Variants in CCDC127 observed in about 807,000 individuals in gnomAD.
CCDC127 encodes coiled-coil domain-containing protein 127.
CCDC127 carries 2 observed loss-of-function variants against 4.1 expected under a neutral mutation model. The ratio of observed to expected loss-of-function variants is 0.49; its 90% CI spans 0.20 to 1.53. The LOEUF (loss-of-function observed/expected upper bound fraction) is 1.53, where lower values mean the gene tolerates loss of function less well. Ranked by LOEUF, CCDC127 falls within the 40% of genes most tolerant of loss-of-function variation. The probability of loss-of-function intolerance (pLI) is 0.23; values close to 1 mark genes in which losing one functional copy is unlikely to be tolerated. For synonymous variants in CCDC127, 98 were observed against 120.4 expected (o/e 0.81, Z 1.22); for missense variants, 271 against 322.9 (o/e 0.84, Z 1.23).
At position 199,563 on chromosome 5, in the gene CCDC127, T is replaced by G. The variant is rs11741320; in HGVS notation, c.*5734A>C. On this transcript the variant is annotated 3_prime_UTR_variant, in exon 3 of 3. Coordinates refer to ENST00000296824, the MANE Select transcript of CCDC127 (RefSeq NM_145265.3). ...CCTGCCAGTCACCCCCCGCCCCACCTCTGCCAGCCCAGAGCCCCTCAGCCC... is the reference window on the plus strand; with the variant it reads ...CCTGCCAGTCACCCCCCGCCCCACCGCTGCCAGCCCAGAGCCCCTCAGCCC... The G allele has an allele frequency of 0.14, 14,194 of 99,580 alleles. 923 individuals are homozygous for G. The highest frequency in any genetic ancestry group is 0.18 in the Admixed American group (1,601 of 9,040). 6.2% of individuals were successfully genotyped at this position (99,580 alleles called of 1,614,324 possible).
In CCDC127 at chr5:204,376, A is replaced by G. The variant is rs1188511046; in HGVS notation, c.*921T>C. The G allele has an allele frequency of 6.6e-6, 1 of 152,256 alleles. No individual in the cohort carries two copies. The highest frequency in any genetic ancestry group is 1.5e-5 in the Non-Finnish European group (1 of 68,054). The allele number at this position is 152,256 out of a possible 1,614,324, so 9.4% of individuals were successfully genotyped here. A position where few individuals can be genotyped will look rare whatever the true frequency, so the allele number is the denominator to read the frequency against. On this transcript the variant is annotated 3_prime_UTR_variant, in exon 3 of 3. Transcript: ENST00000296824. ...ATTCGACTGAGGATTCCATGAGTGAACAGGTATACAGGCTCAATTCCCAGT... is the reference window on the plus strand; with the variant it reads ...ATTCGACTGAGGATTCCATGAGTGAGCAGGTATACAGGCTCAATTCCCAGT...
At chr5:217,905 T>C (rs1043071745) in intron 1 of CCDC127, among the ~76,000 whole-genome samples, 188 bp downstream of exon 1, 19 of 152,360 alleles carry the variant, frequency 1.2e-4, no homozygotes, top group African/African-American at 4.3e-4. Context: ...TCAAGGGATG[T>C]ATAATAAACA....
rs1303870384 is a variant in CCDC127, at chr5:202,536, G to A, written c.*2761C>T. The A allele has an allele frequency of 1.3e-5, 2 of 152,278 alleles. No individual in the cohort carries two copies. The highest frequency in any genetic ancestry group is 2.9e-5 in the Non-Finnish European group (2 of 68,108). The allele number at this position is 152,278 out of a possible 1,614,324, so 9.4% of individuals were successfully genotyped here. A position where few individuals can be genotyped will look rare whatever the true frequency, so the allele number is the denominator to read the frequency against. On this transcript the variant is annotated 3_prime_UTR_variant, in exon 3 of 3. Transcript: ENST00000296824. ...GGAGGCAGAGCTTGCAGTGAGGCGA[G>A]ATTGTGCCACTGCACTCCCGCCTGG...
Position 200,158 on chromosome 5 carries a change from C to CT in CCDC127, c.*5138dup, listed in dbSNP as rs1734047516. On this transcript the variant is annotated 3_prime_UTR_variant, in exon 3 of 3. Coordinates refer to ENST00000296824, the MANE Select transcript of CCDC127 (RefSeq NM_145265.3). ...CCACATTCAGGCTCATCTGGTCCCG[C>CT]TACCCGACAGCAAGACCCTCAGCCT... The CT allele has an allele frequency of 6.6e-6, 1 of 152,222 alleles. No individual in the cohort carries two copies. The highest frequency in any genetic ancestry group is 1.9e-4 in the East Asian group (1 of 5,196). 9.4% of individuals were successfully genotyped at this position (152,222 alleles called of 1,614,324 possible).
intron 2 of CCDC127, among the ~76,000 whole-genome samples, chr5:210,496 T>C (rs1448481350): frequency 1.3e-5 from 2 of 152,212 alleles, no homozygotes; most frequent in Non-Finnish European, 2.9e-5. Flanking sequence ...GAATACTCAT[T>C]TCATCAGGAG....
chr5:213,240 A>G (rs1734309043), intron 2 of CCDC127, among the ~76,000 whole-genome samples: 1 of 84,836 alleles, frequency 1.2e-5, no homozygotes, highest in Non-Finnish European at 2.1e-5. Flanking sequence ...GGCAGACGGG[A>G]CAGCAGTGTG....
chr5:214,983 G>C (rs1267508305), intron 2 of CCDC127: 1 of 151,752 alleles, frequency 6.6e-6, no homozygotes, highest in Non-Finnish European at 1.5e-5. Context: ...AGCCGAGATC[G>C]CGCCACTGCA....
intron 2 of CCDC127, among the ~76,000 whole-genome samples, chr5:207,953 A>G (rs957715417): frequency 2.0e-5 from 3 of 152,116 alleles, no homozygotes; most frequent in Non-Finnish European, 4.4e-5. Context: ...CCCACCATAC[A>G]GGCTGTGGTT....
At chr5:206,496 G>C (rs1734176630) in intron 2 of CCDC127, among the ~76,000 whole-genome samples, 1 of 152,218 alleles carries the variant, frequency 6.6e-6, no homozygotes, top group Non-Finnish European at 1.5e-5. Flanking sequence ...TGGGAGGCTG[G>C]AGGGGGCACT....
intron 2 of CCDC127, among the ~76,000 whole-genome samples, chr5:210,910 C>T (rs1734273711): frequency 1.4e-5 from 1 of 73,218 alleles, no homozygotes; most frequent in Admixed American, 1.3e-4. Flanking sequence ...ATGGGGCAGA[C>T]GGGACAGCAC....
rs760104579 is a variant in CCDC127, at chr5:199,962, G to A, written c.*5335C>T. 1 of 152,214 alleles carries A rather than the reference G, an allele frequency of 6.6e-6. No individual in the cohort carries two copies. The highest frequency in any genetic ancestry group is 6.5e-5 in the Admixed American group (1 of 15,292). 9.4% of individuals were successfully genotyped at this position (152,214 alleles called of 1,614,324 possible). On this transcript the variant is annotated 3_prime_UTR_variant, in exon 3 of 3. Transcript: ENST00000296824. ...GGACCAGGCAGGTCATGAAAGATGGGGCACTGCCTGAGGTCTCTGCCAGAT... is the reference window on the plus strand; with the variant it reads ...GGACCAGGCAGGTCATGAAAGATGGAGCACTGCCTGAGGTCTCTGCCAGAT...
intron 2 of CCDC127, chr5:214,458 G>A (rs893852188): frequency 6.6e-6 from 1 of 152,182 alleles, no homozygotes; most frequent in Non-Finnish European, 1.5e-5. Flanking sequence ...TGTTTTCTGG[G>A]TCAGGGGAGG....
At position 204,692 on chromosome 5, in the gene CCDC127, A is replaced by C. The variant is rs537817535; in HGVS notation, c.*605T>G. The C allele has an allele frequency of 4.6e-5, 7 of 152,334 alleles. No homozygotes were observed. The highest frequency in any genetic ancestry group is 1.7e-4 in the African/African-American group (7 of 41,474). The allele number at this position is 152,334 out of a possible 1,614,324, so 9.4% of individuals were successfully genotyped here. ...CACACACATTAGGTAACAACTGCAT[A>C]CAACAAACACACATTAGGTAACAAC... On this transcript the variant is annotated 3_prime_UTR_variant, in exon 3 of 3. Coordinates refer to ENST00000296824, the MANE Select transcript of CCDC127 (RefSeq NM_145265.3).
rs372576973 is a variant in CCDC127, at chr5:204,928, A to G, written c.*369T>C. 52 of 170,606 alleles carry G rather than the reference A, an allele frequency of 3.0e-4. No homozygotes were observed. The highest frequency in any genetic ancestry group is 1.1e-3 in the African/African-American group (47 of 42,278). The allele number at this position is 170,606 out of a possible 1,614,324, so 10.6% of individuals were successfully genotyped here. A position where few individuals can be genotyped will look rare whatever the true frequency, so the allele number is the denominator to read the frequency against. On this transcript the variant is annotated 3_prime_UTR_variant, in exon 3 of 3. Transcript: ENST00000296824. ...AAAATAATTTGAGGAGAAAGTATTT[A>G]GGGAGTGATGAAACAGACAGAAAAT...
chr5:210,856 C>A (rs76501641), intron 2 of CCDC127, among the ~76,000 whole-genome samples: 1 of 97,270 alleles, frequency 1.0e-5, no homozygotes, highest in East Asian at 3.1e-4. Flanking sequence ...TGCTCGACAT[C>A]GCACACTGCA....
At position 205,064 on chromosome 5, in the gene CCDC127, A is replaced by G; in HGVS notation, c.*233T>C. 1 of 506,162 alleles carries G rather than the reference A, an allele frequency of 2.0e-6. No homozygotes were observed. The allele number at this position is 506,162 out of a possible 1,614,324, so 31.4% of individuals were successfully genotyped here. A position where few individuals can be genotyped will look rare whatever the true frequency, so the allele number is the denominator to read the frequency against. On this transcript the variant is annotated 3_prime_UTR_variant, in exon 3 of 3. Transcript: ENST00000296824. ...GCTTAATACAATACTGGCAGCCTAAAAATGCTTCAAGAAACCATATCCCCA... is the reference window on the plus strand; with the variant it reads ...GCTTAATACAATACTGGCAGCCTAAGAATGCTTCAAGAAACCATATCCCCA...
rs1006647000 is a variant in CCDC127, at chr5:204,722, T to A, written c.*575A>T. On this transcript the variant is annotated 3_prime_UTR_variant, in exon 3 of 3. Coordinates refer to ENST00000296824, the MANE Select transcript of CCDC127 (RefSeq NM_145265.3). ...AAACACACATTAGGTAACAACTGCA[T>A]ACAACAAACACACATTAAGTAACAA... 1 of 152,428 alleles carries A rather than the reference T, an allele frequency of 6.6e-6. No individual in the cohort carries two copies. Among genetic ancestry groups the A allele is most frequent in the Middle Eastern group, 3.4e-3 (1 of 294 alleles). 9.4% of individuals were successfully genotyped at this position (152,428 alleles called of 1,614,324 possible).
In CCDC127 at chr5:197,119, T is replaced by C. The variant is rs962854159; in HGVS notation, c.*8178A>G. On this transcript the variant is annotated 3_prime_UTR_variant, in exon 3 of 3. Transcript: ENST00000296824. Reference sequence around the variant, plus strand: ...TGCACGTAGGCCAGATTTATGTTTCTCTCCACCCAAACATCTCAGCAGAGT... The same window carrying C: ...TGCACGTAGGCCAGATTTATGTTTCCCTCCACCCAAACATCTCAGCAGAGT... The C allele has an allele frequency of 2.0e-5, 3 of 152,022 alleles. No homozygotes were observed. Among genetic ancestry groups the C allele is most frequent in the East Asian group, 1.9e-4 (1 of 5,198 alleles). The allele number at this position is 152,022 out of a possible 1,614,324, so 9.4% of individuals were successfully genotyped here.
rs72720495 is a variant in CCDC127 at position 203,633 on chromosome 5, T to G, written c.*1664A>C. 14,100 of 152,194 alleles carry G rather than the reference T, an allele frequency of 0.093. 924 individuals are homozygous for G. The highest frequency in any genetic ancestry group is 0.12 in the Non-Finnish European group (8,466 of 67,990). 9.4% of individuals were successfully genotyped at this position (152,194 alleles called of 1,614,324 possible). ...TTTTTAACAGTTGCTCCTACTCCCG[T>G]ACAGACGGGCAGGAGGGGAGAACAT... On this transcript the variant is annotated 3_prime_UTR_variant, in exon 3 of 3. Coordinates refer to ENST00000296824, the MANE Select transcript of CCDC127 (RefSeq NM_145265.3).
Sources: allele counts gnomAD v4.1 joint callset (sites outside exome capture counted in the v4.1 genomes callset), GRCh38; gene constraint gnomAD v4.1.1; transcripts MANE v1.5; gene names NCBI Gene and HGNC (gene_info 2026-07-23, HGNC 2026-07-21).